The following CAMTA1 variants were observed in gnomAD, a reference collection of about 807,000 sequenced individuals.
CAMTA1 encodes calmodulin binding transcription activator 1.
Under a neutral mutation model 170.9 loss-of-function variants are expected in CAMTA1, and 27 were observed. The observed-to-expected ratio is 0.16, with a 90% CI of 0.12 to 0.22. CAMTA1 has a LOEUF of 0.22. CAMTA1 is among the 10% of genes least tolerant of loss of function. The probability of loss-of-function intolerance (pLI) is 1.00; values close to 1 mark genes in which losing one functional copy is unlikely to be tolerated. For missense variants in CAMTA1, 1,619 were observed against 2,217.2 expected (o/e 0.73, Z 5.42); for synonymous variants, 833 against 891.5 (o/e 0.93, Z 1.17).
At chr1:6,995,968 C>T (rs1011077460) in intron 3 of CAMTA1, among the ~76,000 whole-genome samples, 3 of 152,202 alleles carry the variant, frequency 2.0e-5, no homozygotes, top group African/African-American at 7.2e-5. Flanking sequence ...GGCAGGGGAA[C>T]AGTGGTATGA....
intron 3 of CAMTA1, among the ~76,000 whole-genome samples, chr1:6,984,010 A>G (rs1401864357): frequency 1.0e-4 from 1 of 9,828 alleles, no homozygotes; most frequent in Non-Finnish European, 2.0e-4. Context: ...GGATGGAGGG[A>G]TGGGTGGTTG....
intron 9 of CAMTA1, among the ~76,000 whole-genome samples, chr1:7,669,711 G>A (rs1015016353): frequency 6.6e-6 from 1 of 152,220 alleles, no homozygotes; most frequent in Non-Finnish European, 1.5e-5. Context: ...GTGTTTACTG[G>A]TTTGGGGGTG....
At chr1:7,506,349 C>A (rs1003381197) in intron 6 of CAMTA1, among the ~76,000 whole-genome samples, 1 of 152,204 alleles carries the variant, frequency 6.6e-6, no homozygotes, top group African/African-American at 2.4e-5. Flanking sequence ...GCCCCACTCC[C>A]AGGGGGAAGG....
intron 4 of CAMTA1, among the ~76,000 whole-genome samples, chr1:7,137,889 A>G (rs72641218): frequency 0.11 from 16,010 of 152,214 alleles, 1,576 homozygotes; most frequent in African/African-American, 0.25. Context: ...TCCCTGCTGG[A>G]ATATCGGGCA....
intron 5 of CAMTA1, among the ~76,000 whole-genome samples, chr1:7,439,261 C>A (rs2149398038): frequency 6.6e-6 from 1 of 152,252 alleles, no homozygotes; most frequent in Middle Eastern, 3.4e-3. Context: ...TGCCACTGAC[C>A]CCTCCTAGGT....
intron 9 of CAMTA1, 80 bp from the exon 10 acceptor site, chr1:7,670,831 G>A (rs1031739606): frequency 1.2e-5 from 19 of 1,533,558 alleles, no homozygotes; most frequent in Non-Finnish European, 3.6e-6. Flanking sequence ...TCTGAGCAGT[G>A]AAGCCTCAGG....
intron 3 of CAMTA1, among the ~76,000 whole-genome samples, chr1:6,856,872 T>A (rs924099666): frequency 2.0e-5 from 3 of 152,022 alleles, no homozygotes; most frequent in African/African-American, 7.2e-5. Flanking sequence ...GCGGGCAGAC[T>A]TCATGATGGG....
At chr1:6,890,898 G>A (rs1156822730) in intron 3 of CAMTA1, among the ~76,000 whole-genome samples, 2 of 152,134 alleles carry the variant, frequency 1.3e-5, no homozygotes, top group Admixed American at 1.3e-4. Context: ...GTACTCTTTA[G>A]GCAGACCAAA....
intron 6 of CAMTA1, among the ~76,000 whole-genome samples, chr1:7,597,972 A>G (rs1370926790): frequency 6.6e-6 from 1 of 151,022 alleles, no homozygotes; most frequent in Non-Finnish European, 1.5e-5. Context: ...TTTAGGGTAC[A>G]TGTGCACAAT....
At chr1:7,566,886 G>T (rs2095049868) in intron 6 of CAMTA1, among the ~76,000 whole-genome samples, 1 of 152,202 alleles carries the variant, frequency 6.6e-6, no homozygotes, top group South Asian at 2.1e-4. Flanking sequence ...CCCCCTCTGT[G>T]CCCACACGGA....
At chr1:7,393,744 A>G (rs1168737785) in intron 5 of CAMTA1, among the ~76,000 whole-genome samples, 2 of 152,178 alleles carry the variant, frequency 1.3e-5, no homozygotes, top group Admixed American at 1.3e-4. Context: ...ATTTCGAAAT[A>G]TAGAATACAA....
intron 4 of CAMTA1, among the ~76,000 whole-genome samples, chr1:7,187,283 A>T (rs1245126248): frequency 6.6e-6 from 1 of 152,158 alleles, no homozygotes; most frequent in Non-Finnish European, 1.5e-5. Flanking sequence ...AAGATATGGG[A>T]AATGAAGACA....
chr1:7,126,895 C>T (rs1041749825), intron 4 of CAMTA1, among the ~76,000 whole-genome samples: 5 of 152,162 alleles, frequency 3.3e-5, no homozygotes, highest in East Asian at 3.8e-4. Flanking sequence ...CTCAGCCTCC[C>T]GAGTAACTGG....
At chr1:6,981,369 C>T (rs1694410598) in intron 3 of CAMTA1, among the ~76,000 whole-genome samples, 1 of 152,110 alleles carries the variant, frequency 6.6e-6, no homozygotes, top group Non-Finnish European at 1.5e-5. Context: ...CAGATTTTTA[C>T]TTATGTATTT....
intron 3 of CAMTA1, among the ~76,000 whole-genome samples, chr1:7,054,526 G>A (rs565711637): frequency 2.9e-4 from 44 of 152,364 alleles, no homozygotes; most frequent in African/African-American, 1.0e-3. Context: ...GATGGGCTGA[G>A]CCTGACCTGC....
intron 6 of CAMTA1, among the ~76,000 whole-genome samples, chr1:7,517,078 T>A (rs76560641): frequency 0.019 from 2,885 of 152,298 alleles, 96 homozygotes; most frequent in African/African-American, 0.067. Context: ...TGTAATCTAC[T>A]TTTTTTGCTG....
chr1:6,812,570 A>T (rs1434609475), intron 1 of CAMTA1, among the ~76,000 whole-genome samples: 4 of 152,184 alleles, frequency 2.6e-5, no homozygotes, highest in Non-Finnish European at 4.4e-5. Flanking sequence ...TACTGAATGT[A>T]TTCTAGTTGA....
intron 6 of CAMTA1, among the ~76,000 whole-genome samples, chr1:7,524,031 G>A (rs2094400841): frequency 1.3e-5 from 2 of 151,828 alleles, no homozygotes; most frequent in Non-Finnish European, 2.9e-5. Context: ...TAAAACACCT[G>A]TCTCTACTAA....
intron 3 of CAMTA1, among the ~76,000 whole-genome samples, chr1:6,997,914 C>T (rs1697570680): frequency 6.6e-6 from 1 of 151,716 alleles, no homozygotes; most frequent in Non-Finnish European, 1.5e-5. Context: ...CCTCCTTGGC[C>T]TCCCAGTGTG....
Sources: gnomAD v4.1 joint callset for allele counts (sites outside exome capture counted in the v4.1 genomes callset) on GRCh38, gnomAD v4.1.1 for gene constraint, MANE v1.5 for transcripts, NCBI Gene and HGNC (gene_info 2026-07-23, HGNC 2026-07-21) for gene names.